The following CSMD1 variants were observed in gnomAD, a reference collection of about 807,000 sequenced individuals.
CSMD1 encodes the protein CUB and sushi domain-containing protein 1.
Under a neutral mutation model 417.5 loss-of-function variants are expected in CSMD1, and 213 were observed. The ratio of observed to expected loss-of-function variants is 0.51; its 90% CI spans 0.46 to 0.57. The LOEUF is 0.57. Among genes scored for constraint, CSMD1 ranks in the 20% least tolerant of loss-of-function variants. The probability of loss-of-function intolerance (pLI) is 0.00; values close to 1 mark genes in which losing one functional copy is unlikely to be tolerated. For missense variants in CSMD1, 6,923 were observed against 4,529.7 expected, an observed-to-expected ratio of 1.53 and a Z score of -15.17; for synonymous variants, 2,862 against 1,736.8, an observed-to-expected ratio of 1.65 and a Z score of -16.11.
intron 1 of CSMD1, among the ~76,000 whole-genome samples, chr8:4,974,433 T>C (rs1397230266): frequency 3.9e-5 from 6 of 152,136 alleles, no homozygotes; most frequent in Non-Finnish European, 8.8e-5. Context: ...TATATTTAAA[T>C]TTTTGACAGA....
intron 3 of CSMD1, among the ~76,000 whole-genome samples, chr8:4,358,915 T>TA: frequency 6.6e-6 from 1 of 152,138 alleles, no homozygotes; most frequent in Middle Eastern, 3.4e-3. Flanking sequence ...GAACCTTTAT[T>TA]AAAAAAACTG....
intron 11 of CSMD1, among the ~76,000 whole-genome samples, chr8:3,487,447 C>T (rs1047658249): frequency 2.6e-5 from 4 of 152,222 alleles, no homozygotes; most frequent in Middle Eastern, 3.4e-3. Context: ...GTGATCTGCC[C>T]GCCTCGGCCT....
intron 2 of CSMD1, 143 bp downstream of exon 2, chr8:4,637,199 T>G (rs1441713614): frequency 1.4e-5 from 9 of 627,024 alleles, no homozygotes; most frequent in Non-Finnish European, 2.4e-5. Flanking sequence ...GTCTGTGGCT[T>G]CATTCTTGAA....
At chr8:3,847,628 C>G (rs1009577417) in intron 5 of CSMD1, among the ~76,000 whole-genome samples, 3 of 152,046 alleles carry the variant, frequency 2.0e-5, no homozygotes, top group African/African-American at 4.8e-5. Context: ...GATGGAGCCC[C>G]GAGAAAACAC....
rs566513168 is a variant in CSMD1 at position 3,885,960 on chromosome 8, C to T, written c.818+111943G>A. Among the ~76,000 whole-genome samples, 9 of 151,984 alleles carry T rather than the reference C, an allele frequency of 5.9e-5. No homozygotes were observed. In the South Asian group the frequency reaches 1.9e-3, roughly 32 times the overall value. ...AAGTTGATAAGTTATGGGCATAAAT[C>T]ACAACAAAGCAATATTGATTCAAAT... On this transcript the variant is annotated intron_variant, in intron 5 of 69. Coordinates refer to ENST00000635120, the MANE Select transcript of CSMD1 (RefSeq NM_033225.6).
At chr8:4,264,887 G>C (rs550879343) in intron 3 of CSMD1, among the ~76,000 whole-genome samples, 1 of 152,196 alleles carries the variant, frequency 6.6e-6, no homozygotes, top group African/African-American at 2.4e-5. Flanking sequence ...ACGATGAACA[G>C]AGAAAACATG....
At chr8:4,351,339 A>G (rs111417167) in intron 3 of CSMD1, among the ~76,000 whole-genome samples, 78 of 152,212 alleles carry the variant, frequency 5.1e-4, no homozygotes, top group African/African-American at 1.7e-3. Flanking sequence ...AAAACATTCA[A>G]TGAAAATTTG....
intron 5 of CSMD1, among the ~76,000 whole-genome samples, chr8:3,878,801 C>T (rs768533992): frequency 5.9e-5 from 9 of 152,068 alleles, no homozygotes; most frequent in Admixed American, 1.3e-4. Context: ...GTAACTATAA[C>T]GACGACCACA....
At chr8:3,152,716 G>C (rs1460716821) in intron 39 of CSMD1, among the ~76,000 whole-genome samples, 1 of 152,172 alleles carries the variant, frequency 6.6e-6, no homozygotes, top group Non-Finnish European at 1.5e-5. Flanking sequence ...AAAAGTCTTG[G>C]ACACCATCAA....
chr8:4,907,784 C>T (rs769809548), intron 1 of CSMD1, among the ~76,000 whole-genome samples: 7 of 151,406 alleles, frequency 4.6e-5, no homozygotes, highest in South Asian at 2.1e-4. Context: ...CAGGCTGCTC[C>T]GAAACCCCTG....
chr8:3,385,158 ATACATAATATATAAATATATAG>A (rs1374238157), intron 18 of CSMD1, among the ~76,000 whole-genome samples: 21 of 136,664 alleles, frequency 1.5e-4, no homozygotes, highest in African/African-American at 3.0e-4. Context: ...TAAATATATA[ATACATAATATATAAATATATAG>A]AAGTCTAAAT....
At chr8:3,151,144 A>G (rs980289533) in intron 40 of CSMD1, 6 of 348,276 alleles carry the variant, frequency 1.7e-5, no homozygotes, top group Admixed American at 4.4e-5. Context: ...TATATTTTGT[A>G]CTTCGTATGC....
At position 4,831,109 on chromosome 8, in the gene CSMD1, C is replaced by T. The variant is rs114884115; in HGVS notation, c.85+163223G>A. Among the ~76,000 whole-genome samples, 572 of 152,198 alleles carry T rather than the reference C, an allele frequency of 3.8e-3. 3 individuals carry two copies. Among genetic ancestry groups the T allele is most frequent in the Middle Eastern group, 0.017 (5 of 294 alleles). ...GATGTTTTTTCCATTTTACCTATGC[C>T]TTAGGAAAAAAGAAACTGTAAAACT... is the stretch of plus-strand genomic sequence containing the variant. On this transcript the variant is annotated intron_variant, in intron 1 of 69. Coordinates refer to ENST00000635120, the MANE Select transcript of CSMD1 (RefSeq NM_033225.6).
At chr8:3,143,927 A>C (rs1279657984) in intron 40 of CSMD1, among the ~76,000 whole-genome samples, 1 of 152,208 alleles carries the variant, frequency 6.6e-6, no homozygotes, top group Non-Finnish European at 1.5e-5. Flanking sequence ...AAGGAAGAAA[A>C]AAGTCCAAGT....
chr8:3,652,500 G>A (rs527493507), intron 7 of CSMD1, among the ~76,000 whole-genome samples: 1 of 152,198 alleles, frequency 6.6e-6, no homozygotes, highest in Non-Finnish European at 1.5e-5. Flanking sequence ...TTTTATAAAG[G>A]AAGCGGATTA....
At chr8:4,130,590 C>A (rs918175218) in intron 3 of CSMD1, among the ~76,000 whole-genome samples, 1 of 152,048 alleles carries the variant, frequency 6.6e-6, no homozygotes, top group Non-Finnish European at 1.5e-5. Context: ...TTCTAACTTG[C>A]AAAATTGTAT....
intron 63 of CSMD1, among the ~76,000 whole-genome samples, chr8:2,956,626 T>C (rs1371490991): frequency 6.6e-6 from 1 of 151,870 alleles, no homozygotes; most frequent in African/African-American, 2.4e-5. Flanking sequence ...GCTAATTTTT[T>C]GTAGTTTTTT....
intron 5 of CSMD1, among the ~76,000 whole-genome samples, chr8:3,915,700 A>T (rs1384485530): frequency 6.6e-6 from 1 of 151,278 alleles, no homozygotes; most frequent in African/African-American, 2.4e-5. Context: ...TATCTCTGTT[A>T]TAATTTATTG....
chr8:4,586,995 T>C (rs531089831), intron 2 of CSMD1, among the ~76,000 whole-genome samples: 1 of 152,358 alleles, frequency 6.6e-6, no homozygotes, highest in African/African-American at 2.4e-5. Context: ...TAAAAAGTTA[T>C]AATAGAGATA....
Sources: allele counts gnomAD v4.1 joint callset (sites outside exome capture counted in the v4.1 genomes callset), GRCh38; gene constraint gnomAD v4.1.1; transcripts MANE v1.5; gene names NCBI Gene and HGNC (gene_info 2026-07-23, HGNC 2026-07-21).